PTPRD: variants seen among roughly 807,000 people sequenced by gnomAD.
The protein encoded by PTPRD is protein tyrosine phosphatase receptor type D, also known as receptor-type tyrosine-protein phosphatase delta.
A neutral mutation model predicts 214.5 loss-of-function variants in PTPRD; 34 were observed. The ratio of observed to expected loss-of-function variants is 0.16; its 90% CI spans 0.12 to 0.21. The LOEUF (loss-of-function observed/expected upper bound fraction) is 0.21, where lower values mean the gene tolerates loss of function less well. PTPRD is among the 10% of genes least tolerant of loss of function. The probability of loss-of-function intolerance (pLI) is 1.00; values close to 1 mark genes in which losing one functional copy is unlikely to be tolerated. For synonymous variants in PTPRD, 1,128 were observed against 845.7 expected, an observed-to-expected ratio of 1.33 and a Z score of -5.79; for missense variants, 2,545 against 2,398.7, an observed-to-expected ratio of 1.06 and a Z score of -1.27.
At chr9:8,554,970 C>G (rs1041645959) in intron 14 of PTPRD, among the ~76,000 whole-genome samples, 5 of 149,216 alleles carry the variant, frequency 3.4e-5, no homozygotes, top group African/African-American at 1.0e-4. Context: ...TATTGAAAAT[C>G]CAATTATGTA....
intron 9 of PTPRD, among the ~76,000 whole-genome samples, chr9:9,331,837 T>C (rs1465124020): frequency 1.1e-4 from 16 of 151,980 alleles, no homozygotes; most frequent in Admixed American, 1.1e-3. Context: ...GCTTGGGAGA[T>C]CATCCATCAT....
chr9:8,713,504 G>A, intron 12 of PTPRD: 1 of 1,167,252 alleles, frequency 8.6e-7, no homozygotes, highest in Non-Finnish European at 1.3e-6. Context: ...GTCTACTGTG[G>A]TCAGGTGTTT....
intron 11 of PTPRD, among the ~76,000 whole-genome samples, chr9:8,949,161 G>A (rs190279780): frequency 0.012 from 1,814 of 149,776 alleles, 51 homozygotes; most frequent in South Asian, 0.12. Flanking sequence ...GAGGTGGAGG[G>A]TGCAGTGAGC....
chr9:9,700,368 T>A (rs2097472475), intron 7 of PTPRD, among the ~76,000 whole-genome samples: 1 of 152,124 alleles, frequency 6.6e-6, no homozygotes, highest in Non-Finnish European at 1.5e-5. Flanking sequence ...AACAGCAATA[T>A]ACAAGACAAT....
At chr9:9,823,879 C>A (rs2051688722) in intron 5 of PTPRD, among the ~76,000 whole-genome samples, 1 of 151,674 alleles carries the variant, frequency 6.6e-6, no homozygotes, top group African/African-American at 2.4e-5. Context: ...GAAATGTTCC[C>A]AACACAAAGA....
At chr9:9,032,232 A>G (rs1290202534) in intron 10 of PTPRD, among the ~76,000 whole-genome samples, 1 of 152,016 alleles carries the variant, frequency 6.6e-6, no homozygotes, top group Non-Finnish European at 1.5e-5. Context: ...ACCCAACGCC[A>G]CATTCTGAAA....
At chr9:9,511,452 A>C (rs191749543) in intron 8 of PTPRD, among the ~76,000 whole-genome samples, 1 of 151,732 alleles carries the variant, frequency 6.6e-6, no homozygotes, top group Non-Finnish European at 1.5e-5. Context: ...CCATGTAATA[A>C]ATATCTAGGC....
chr9:9,659,500 T>A (rs1281377786), intron 7 of PTPRD, among the ~76,000 whole-genome samples: 1 of 152,048 alleles, frequency 6.6e-6, no homozygotes, highest in Non-Finnish European at 1.5e-5. Flanking sequence ...TAAGTCAGAA[T>A]CTCTGGACAT....
At chr9:9,165,838 G>C (rs1267895289) in intron 10 of PTPRD, among the ~76,000 whole-genome samples, 2 of 152,056 alleles carry the variant, frequency 1.3e-5, no homozygotes, top group Admixed American at 1.3e-4. Context: ...TACTGATGTA[G>C]ATATAAAGAC....
intron 2 of PTPRD, among the ~76,000 whole-genome samples, chr9:10,509,557 T>TTATATATATATATATATATATATATA (rs3076461): frequency 0.017 from 1,762 of 106,094 alleles, 55 homozygotes; most frequent in Non-Finnish European, 0.022. Context: ...TTAATAAATA[T>TTATATATATATATATATATATATATA]TATATATATA....
chr9:9,380,665 G>T (rs2061960214), intron 9 of PTPRD, among the ~76,000 whole-genome samples: 1 of 152,100 alleles, frequency 6.6e-6, no homozygotes, highest in Non-Finnish European at 1.5e-5. Context: ...GCCATTGTTG[G>T]ATGAAGTGTC....
rs2095865734 is a variant in PTPRD at position 8,449,827 on chromosome 9, C to G, written c.3886G>C (p.Glu1296Gln). The G allele has an allele frequency of 1.9e-6, 3 of 1,613,850 alleles. No homozygotes were observed. Among genetic ancestry groups the G allele is most frequent in the South Asian group, 1.1e-5 (1 of 91,056 alleles). ...AILLYKRKRA[E>Q]SDSRKSSIPN... ...ATGCTGCTTTTTCTAGAGTCGGACT[C>G]TGCCCTCTTCCTATAGGGGGAAAAT... Residue 1296 changes from glutamate (E) to glutamine (Q), a missense_variant, in exon 34 of 46, where the codon GAG (glutamate) becomes CAG (glutamine). By Grantham distance (29) the Glu-to-Gln change is conservative. Transcript: ENST00000381196.
At chr9:8,460,355 G>C (rs941996857) in intron 33 of PTPRD, 56 bp downstream of exon 33, 3 of 1,590,650 alleles carry the variant, frequency 1.9e-6, no homozygotes, top group South Asian at 1.1e-5. Flanking sequence ...CAATGATCAA[G>C]TCTTCAAAAA....
intron 35 of PTPRD, among the ~76,000 whole-genome samples, chr9:8,428,265 T>C (rs2094820253): frequency 6.6e-6 from 1 of 152,148 alleles, no homozygotes; most frequent in African/African-American, 2.4e-5. Context: ...CGTAAGGAAT[T>C]GGGCAAAGAC....
At chr9:8,466,061 T>A (rs2096538968) in intron 31 of PTPRD, among the ~76,000 whole-genome samples, 2 of 151,908 alleles carry the variant, frequency 1.3e-5, no homozygotes, top group Admixed American at 6.6e-5. Flanking sequence ...AGTATTAACC[T>A]CAGACAAAGC....
intron 12 of PTPRD, among the ~76,000 whole-genome samples, chr9:8,664,442 T>C (rs1307611191): frequency 1.3e-5 from 2 of 152,206 alleles, no homozygotes; most frequent in South Asian, 2.1e-4. Flanking sequence ...TTAAGCACTA[T>C]GGGTACAAAT....
At chr9:8,869,234 T>A (rs976502893) in intron 11 of PTPRD, among the ~76,000 whole-genome samples, 1 of 152,186 alleles carries the variant, frequency 6.6e-6, no homozygotes, top group Non-Finnish European at 1.5e-5. Context: ...ATTTTTGGCT[T>A]AAGGAATTCA....
chr9:9,293,832 A>C (rs1412245460), intron 9 of PTPRD, among the ~76,000 whole-genome samples: 1 of 151,668 alleles, frequency 6.6e-6, no homozygotes, highest in Non-Finnish European at 1.5e-5. Flanking sequence ...GTACAACAGT[A>C]AAATTAACAC....
chr9:9,924,224 G>A lies in PTPRD; in HGVS notation c.-368+14283C>T, dbSNP rs957611500. Among the ~76,000 whole-genome samples the A allele has an allele frequency of 3.3e-5, 5 of 151,968 alleles. No individual in the cohort carries two copies. The East Asian group carries it at 7.7e-4, about 24-fold the overall frequency. On this transcript the variant is annotated intron_variant, in intron 5 of 45. Transcript: ENST00000381196. ...TTCCTATGTAGGCATCATAATAGAA[G>A]TTATTAGGTAATGTTTAAAGTTGAT...
Sources: allele counts gnomAD v4.1 joint callset (sites outside exome capture counted in the v4.1 genomes callset), GRCh38; gene constraint gnomAD v4.1.1; transcripts MANE v1.5; gene names NCBI Gene and HGNC (gene_info 2026-07-23, HGNC 2026-07-21).